Variants in KSR1 observed in about 807,000 individuals in gnomAD.
The protein encoded by KSR1 is kinase suppressor of ras.
In KSR1, 35 loss-of-function variants were observed where a neutral mutation model predicts 92.9. The ratio of observed to expected loss-of-function variants is 0.38; its 90% CI spans 0.29 to 0.50. The LOEUF is 0.50. Ranked by LOEUF, KSR1 falls within the 20% of genes least tolerant of loss-of-function variation. KSR1 has a pLI of 0.94. For synonymous variants in KSR1, 467 were observed against 472.6 expected (o/e 0.99, Z 0.15); for missense variants, 972 against 1,158.5 (o/e 0.84, Z 2.34).
In KSR1 at chr17:27,605,644, C is replaced by A. The variant is rs760574002; in HGVS notation, c.1825C>A (p.Arg609Ser). Reference protein sequence around the residue: ...QGRWGRVHRGRWHGEVAIRLL... With the variant: ...QGRWGRVHRGSWHGEVAIRLL... ...CCGCTGGGGCCGGGTGCACCGCGGC[C>A]GCTGGCATGGCGAGGTGGCCATTCG... The change falls in exon 14 of 21, where the codon CGC becomes AGC. Residue 609 changes from arginine to serine, a missense_variant. Transcript: ENST00000644974. The A allele has an allele frequency of 6.2e-7, 1 of 1,611,494 alleles. No homozygotes were observed. The highest frequency in any genetic ancestry group is 8.5e-7 in the Non-Finnish European group (1 of 1,179,408).
intron 1 of KSR1, among the ~76,000 whole-genome samples, chr17:27,517,841 T>G (rs1187342742): frequency 2.0e-5 from 3 of 152,180 alleles, no homozygotes; most frequent in African/African-American, 7.2e-5. Context: ...GTTATGTAAT[T>G]GTGGGGGTTG....
chr17:27,594,507 C>G (rs2073275446), intron 9 of KSR1, among the ~76,000 whole-genome samples: 1 of 152,138 alleles, frequency 6.6e-6, no homozygotes, highest in Non-Finnish European at 1.5e-5. Flanking sequence ...AGCACTCTCT[C>G]TCTGTCCCAA....
Position 27,605,540 on chromosome 17 carries a change from C to T in KSR1, c.1721C>T (p.Ala574Val). ...RPWRGPISRK[A>V]SQTSVYLQEW... ...TGGCGGGGCCCCATCTCTCGCAAGG[C>T]CAGCCAGACCAGCGTGTACCTGCAG... Residue 574 changes from alanine to valine, a missense_variant, in exon 14 of 21, where the codon GCC becomes GTC. Coordinates refer to ENST00000644974, the MANE Select transcript of KSR1 (RefSeq NM_001394583.1). The T allele has an allele frequency of 6.3e-7, 1 of 1,593,512 alleles. No individual in the cohort carries two copies. Among genetic ancestry groups the T allele is most frequent in the Non-Finnish European group, 8.5e-7 (1 of 1,170,908 alleles).
chr17:27,512,594 A>G (rs1243318631), intron 1 of KSR1, among the ~76,000 whole-genome samples: 2 of 152,196 alleles, frequency 1.3e-5, no homozygotes, highest in African/African-American at 4.8e-5. Context: ...GTGGTGGCGT[A>G]TGCTTGTAAT....
intron 2 of KSR1, among the ~76,000 whole-genome samples, chr17:27,551,524 T>TC (rs1017343190): frequency 1.1e-4 from 16 of 152,084 alleles, no homozygotes; most frequent in African/African-American, 2.9e-4. Flanking sequence ...ACATACATAC[T>TC]CCTAACACTC....
At chr17:27,551,843 C>T (rs886692742) in intron 2 of KSR1, among the ~76,000 whole-genome samples, 15 of 152,202 alleles carry the variant, frequency 9.9e-5, no homozygotes, top group African/African-American at 3.1e-4. Flanking sequence ...AGTGGCACCT[C>T]GCCCCTTGCA....
intron 6 of KSR1, among the ~76,000 whole-genome samples, chr17:27,589,294 A>G (rs962950300): frequency 2.0e-5 from 3 of 152,118 alleles, no homozygotes; most frequent in Non-Finnish European, 4.4e-5. Flanking sequence ...GCAGAATTCA[A>G]ACCTAGCTGT....
Position 27,608,401 on chromosome 17 carries a change from G to A in KSR1, c.2091+391G>A, listed in dbSNP as rs73983667. On this transcript the variant is annotated intron_variant, in intron 15 of 20. Transcript: ENST00000644974. Reference sequence around the variant, plus strand: ...TCTGGATTGGTGTGAGGTTAAAAACGCGATAATCCATGCTGTGGGGTACAC... The same window carrying A: ...TCTGGATTGGTGTGAGGTTAAAAACACGATAATCCATGCTGTGGGGTACAC... Among the ~76,000 whole-genome samples, 653 of 152,270 alleles carry A rather than the reference G, an allele frequency of 4.3e-3. 7 individuals are homozygous for A. The highest frequency in any genetic ancestry group is 0.015 in the African/African-American group (625 of 41,550).
chr17:27,595,582 CAG>C (rs2073311958), intron 9 of KSR1, among the ~76,000 whole-genome samples: 2 of 152,164 alleles, frequency 1.3e-5, no homozygotes, highest in African/African-American at 4.8e-5. Context: ...TTTTTGGCCA[CAG>C]GGAGAAGCTG....
chr17:27,513,225 C>T (rs907836530), intron 1 of KSR1, among the ~76,000 whole-genome samples: 1 of 152,098 alleles, frequency 6.6e-6, no homozygotes, highest in Non-Finnish European at 1.5e-5. Flanking sequence ...ATTCGATTGA[C>T]TGATTAGCAC....
At chr17:27,620,334 G>A (rs1212125758) in intron 19 of KSR1, among the ~76,000 whole-genome samples, 1 of 152,174 alleles carries the variant, frequency 6.6e-6, no homozygotes, top group East Asian at 1.9e-4. Flanking sequence ...TACACAGATG[G>A]CCGAGGCCAG....
At chr17:27,456,979 C>T (rs987420372) in intron 1 of KSR1, 105 bp downstream of exon 1, 14 of 688,900 alleles carry the variant, frequency 2.0e-5, no homozygotes, top group Non-Finnish European at 3.7e-5. Flanking sequence ...CGCGTCGCCC[C>T]CCTTGGAGGC....
chr17:27,529,301 CT>C (rs2070444372), intron 1 of KSR1, among the ~76,000 whole-genome samples: 1 of 152,102 alleles, frequency 6.6e-6, no homozygotes, highest in African/African-American at 2.4e-5. Context: ...AAAAAGTTGC[CT>C]CATAGTGTTC....
chr17:27,553,454 CAG>C (rs770598352), intron 2 of KSR1, among the ~76,000 whole-genome samples: 1 of 152,194 alleles, frequency 6.6e-6, no homozygotes, highest in South Asian at 2.1e-4. Flanking sequence ...ACCAGCCTGA[CAG>C]AGCTGGGCCA....
intron 1 of KSR1, among the ~76,000 whole-genome samples, chr17:27,516,109 C>G (rs928591144): frequency 6.6e-6 from 1 of 152,168 alleles, no homozygotes; most frequent in Non-Finnish European, 1.5e-5. Context: ...AGAGACCTAT[C>G]ACATCCAGGA....
chr17:27,614,953 A>G lies in KSR1; in HGVS notation c.2494-2342A>G, dbSNP rs144161593. ...AGACAAAAGCTGGGAGTGCCCTCTGAGTGATGCCTTTCTCTGTCTCTCCAG... is the reference window on the plus strand; with the variant it reads ...AGACAAAAGCTGGGAGTGCCCTCTGGGTGATGCCTTTCTCTGTCTCTCCAG... On this transcript the variant is annotated intron_variant, in intron 18 of 20. Coordinates refer to ENST00000644974, the MANE Select transcript of KSR1 (RefSeq NM_001394583.1). Among the ~76,000 whole-genome samples the G allele has an allele frequency of 6.7e-4, 102 of 152,324 alleles. 1 individual carries two copies. The highest frequency in any genetic ancestry group is 2.3e-3 in the African/African-American group (97 of 41,568).
At chr17:27,502,892 C>T (rs1478069244) in intron 1 of KSR1, among the ~76,000 whole-genome samples, 1 of 152,176 alleles carries the variant, frequency 6.6e-6, no homozygotes, top group African/African-American at 2.4e-5. Context: ...CATCACTTCT[C>T]ACGGACAGTA....
chr17:27,597,552 T>A, intron 10 of KSR1, 116 bp downstream of exon 10: 1 of 1,117,810 alleles, frequency 8.9e-7, no homozygotes, highest in Non-Finnish European at 1.2e-6. Context: ...AGCTGATGTT[T>A]ATGAAGTACT....
chr17:27,478,565 A>G (rs780168005), intron 1 of KSR1, among the ~76,000 whole-genome samples: 7 of 152,266 alleles, frequency 4.6e-5, no homozygotes, highest in Non-Finnish European at 1.0e-4. Context: ...TGAGCTGTCC[A>G]TTATTGTTCT....
Sources: allele counts gnomAD v4.1 joint callset (sites outside exome capture counted in the v4.1 genomes callset), GRCh38; gene constraint gnomAD v4.1.1; transcripts MANE v1.5; gene names NCBI Gene and HGNC (gene_info 2026-07-23, HGNC 2026-07-21).